ARFGEF2: variants seen among roughly 807,000 people sequenced by gnomAD.
ARFGEF2 encodes the protein ARF guanine nucleotide exchange factor 2, also known as brefeldin A-inhibited guanine nucleotide-exchange protein 2.
Under a neutral mutation model 219.9 loss-of-function variants are expected in ARFGEF2, and 74 were observed. The ratio of observed to expected loss-of-function variants is 0.34; its 90% CI spans 0.28 to 0.41. The LOEUF is 0.41. Among genes scored for constraint, ARFGEF2 ranks in the 10% least tolerant of loss-of-function variants. The pLI is 1.00. For missense variants in ARFGEF2, 1,743 were observed against 2,218.3 expected (o/e 0.79, Z 4.30); for synonymous variants, 733 against 799.2 (o/e 0.92, Z 1.40).
At position 48,985,394 on chromosome 20, in the gene ARFGEF2, T is replaced by C; in HGVS notation, c.2071-14T>C. Reference sequence around the variant, plus strand: ...TTGACAATTTCTGGATATAAGTGAGTGTGTATGTTTCAGACCCAAGTAGGC... The same window carrying C: ...TTGACAATTTCTGGATATAAGTGAGCGTGTATGTTTCAGACCCAAGTAGGC... On this transcript the variant is annotated splice_polypyrimidine_tract_variant and intron_variant, in intron 15 of 38. Coordinates refer to ENST00000371917, the MANE Select transcript of ARFGEF2 (RefSeq NM_006420.3). 1 of 1,613,758 alleles carries C rather than the reference T, an allele frequency of 6.2e-7. No individual in the cohort carries two copies. Among genetic ancestry groups the C allele is most frequent in the South Asian group, 1.1e-5 (1 of 91,064 alleles).
rs1248845691 is a variant in ARFGEF2, at chr20:48,984,722, G to GA, written c.1959-4dup. 1 of 1,614,044 alleles carries GA rather than the reference G, an allele frequency of 6.2e-7. No homozygotes were observed. Among genetic ancestry groups the GA allele is most frequent in the Admixed American group, 1.7e-5 (1 of 60,020 alleles). On this transcript the variant is annotated splice_polypyrimidine_tract_variant and splice_region_variant and intron_variant, in intron 14 of 38. Transcript: ENST00000371917. ...AGCAACTTGTGTCCCATCTCTGCTT[G>GA]AAACAGGTTCAACAAGAAACCCAAG...
intron 1 of ARFGEF2, among the ~76,000 whole-genome samples, chr20:48,931,200 T>C (rs890382557): frequency 3.3e-5 from 5 of 152,082 alleles, no homozygotes; most frequent in African/African-American, 4.8e-5. Flanking sequence ...AGGAGGGAGA[T>C]GTGGATGTTA....
At chr20:49,031,963 AAATAGCAC>A in intron 37 of ARFGEF2, 78 bp from the exon 38 acceptor site, 2 of 1,014,202 alleles carry the variant, frequency 2.0e-6, no homozygotes, top group Non-Finnish European at 3.1e-6. Flanking sequence ...ATAATTTTAA[AAATAGCAC>A]AAGAATGAAT....
intron 34 of ARFGEF2, among the ~76,000 whole-genome samples, chr20:49,021,133 G>A (rs2091562783): frequency 6.6e-6 from 1 of 152,006 alleles, no homozygotes; most frequent in Non-Finnish European, 1.5e-5. Flanking sequence ...GAGGTGCAGT[G>A]GCTCACACCT....
chr20:49,012,886 C>T (rs2123524457), intron 28 of ARFGEF2, among the ~76,000 whole-genome samples: 1 of 152,218 alleles, frequency 6.6e-6, no homozygotes, highest in East Asian at 1.9e-4. Flanking sequence ...CATTACATAA[C>T]CAGAGTTGCT....
chr20:48,994,352 C>A, intron 21 of ARFGEF2, 99 bp from the exon 22 acceptor site: 7 of 1,475,216 alleles, frequency 4.7e-6, no homozygotes, highest in Non-Finnish European at 6.6e-6. Context: ...GGCATAACTC[C>A]ATTGAACCAA....
intron 6 of ARFGEF2, among the ~76,000 whole-genome samples, chr20:48,957,226 G>T (rs1406664156): frequency 1.2e-4 from 19 of 152,156 alleles, no homozygotes; most frequent in Admixed American, 1.1e-3. Context: ...TGCCAACCCT[G>T]ATAACTTATG....
chr20:48,957,056 TC>T (rs1375943575), intron 6 of ARFGEF2, among the ~76,000 whole-genome samples: 1 of 152,142 alleles, frequency 6.6e-6, no homozygotes, highest in Non-Finnish European at 1.5e-5. Context: ...TCCCATTTTT[TC>T]CCCGTTATTC....
chr20:48,973,119 C>G, intron 11 of ARFGEF2, 26 bp from the exon 12 acceptor site: 2 of 1,613,792 alleles, frequency 1.2e-6, no homozygotes, highest in Non-Finnish European at 1.7e-6. Flanking sequence ...ATCAGAATTT[C>G]TGATACTTGT....
intron 29 of ARFGEF2, 67 bp from the exon 30 acceptor site, chr20:49,013,764 C>A: frequency 6.2e-7 from 1 of 1,613,988 alleles, no homozygotes; most frequent in South Asian, 1.1e-5. Flanking sequence ...TCACCTGACC[C>A]CACTCTCTTC....
intron 6 of ARFGEF2, among the ~76,000 whole-genome samples, chr20:48,956,985 C>T (rs2091110014): frequency 6.6e-6 from 1 of 152,196 alleles, no homozygotes; most frequent in Non-Finnish European, 1.5e-5. Flanking sequence ...CCACCATCCC[C>T]CATGCTCCCT....
intron 30 of ARFGEF2, among the ~76,000 whole-genome samples, chr20:49,015,815 T>C (rs1456102203): frequency 6.6e-6 from 1 of 152,254 alleles, no homozygotes; most frequent in Non-Finnish European, 1.5e-5. Flanking sequence ...TGAGGTGGCA[T>C]ATTTTCTCTC....
chr20:49,001,654 C>T (rs2091425816), intron 25 of ARFGEF2, among the ~76,000 whole-genome samples: 1 of 152,116 alleles, frequency 6.6e-6, no homozygotes, highest in Non-Finnish European at 1.5e-5. Flanking sequence ...AACATACTCC[C>T]CTTTACACAA....
In ARFGEF2 at chr20:49,033,144, T is replaced by G; in HGVS notation, c.5303T>G (p.Ile1768Arg). Residue 1768 changes from isoleucine to arginine, a missense_variant, in exon 39 of 39, where the codon ATA becomes AGA. Physicochemically the swap from Ile to Arg is moderately conservative, Grantham distance 97 (BLOSUM62 -3). Around this residue, in one of 5 missense-constraint regions of ARFGEF2, gnomAD observed 578 missense variants for 664.0 expected, o/e 0.87. Coordinates refer to ENST00000371917, the MANE Select transcript of ARFGEF2 (RefSeq NM_006420.3). ...CTACGGATAGGTGTTGTGTATAAGA[T>G]ATGGATACCAGAAGAGCCATCACAG... is the stretch of plus-strand genomic sequence containing the variant. ...FFLRIGVVYK[I>R]WIPEEPSQVP... 6.2e-7 allele frequency: 1 copy of G among 1,614,204 alleles called. No homozygotes were observed. Among genetic ancestry groups the G allele is most frequent in the Non-Finnish European group, 8.5e-7 (1 of 1,180,038 alleles).
chr20:49,024,919 C>G (rs1160353091), intron 35 of ARFGEF2, among the ~76,000 whole-genome samples: 2 of 152,132 alleles, frequency 1.3e-5, no homozygotes, highest in Non-Finnish European at 2.9e-5. Context: ...TCACTTGAAC[C>G]CGGGAGGCGG....
chr20:48,935,791 C>T (rs2090946089), intron 1 of ARFGEF2, among the ~76,000 whole-genome samples: 1 of 147,148 alleles, frequency 6.8e-6, no homozygotes, highest in Admixed American at 6.7e-5. Context: ...CCACCTCCCT[C>T]CCGGACGGGG....
chr20:48,984,627 G>C, intron 14 of ARFGEF2, 102 bp from the exon 15 acceptor site: 1 of 1,430,854 alleles, frequency 7.0e-7, no homozygotes. Context: ...ATACGTGATG[G>C]CATGTTCATA....
At chr20:48,998,033 A>G in intron 23 of ARFGEF2, 160 bp from the exon 24 acceptor site, 1 of 673,252 alleles carries the variant, frequency 1.5e-6, no homozygotes, top group Non-Finnish European at 2.7e-6. Context: ...AATTTTTTGT[A>G]TTTTTTATTA....
chr20:49,015,526 A>G (rs1341212641), intron 30 of ARFGEF2, among the ~76,000 whole-genome samples: 1 of 152,230 alleles, frequency 6.6e-6, no homozygotes, highest in African/African-American at 2.4e-5. Context: ...CACTGAAATG[A>G]ACATTTTTTG....
Sources: allele counts gnomAD v4.1 joint callset (sites outside exome capture counted in the v4.1 genomes callset), GRCh38; gene constraint gnomAD v4.1.1; regional missense constraint gnomAD v4.1.1; transcripts MANE v1.5; gene names NCBI Gene and HGNC (gene_info 2026-07-23, HGNC 2026-07-21).